Variants in CDH4 observed in about 807,000 individuals in gnomAD.
CDH4 encodes the protein cadherin-4.
CDH4 carries 33 observed loss-of-function variants against 86.0 expected under a neutral mutation model. The observed-to-expected ratio is 0.38, with a 90% CI of 0.29 to 0.51. The LOEUF (loss-of-function observed/expected upper bound fraction) is 0.51, where lower values mean the gene tolerates loss of function less well. CDH4 is among the 20% of genes least tolerant of loss of function. The pLI is 0.86. For synonymous variants in CDH4, 555 were observed against 549.4 expected, an observed-to-expected ratio of 1.01 and a Z score of -0.14; for missense variants, 1,114 against 1,307.4, an observed-to-expected ratio of 0.85 and a Z score of 2.28.
intron 2 of CDH4, among the ~76,000 whole-genome samples, chr20:61,633,717 C>G (rs780843670): frequency 5.9e-5 from 9 of 152,194 alleles, no homozygotes; most frequent in Non-Finnish European, 1.3e-4. Context: ...GACAGGAGCA[C>G]CTGCCTCTTG....
intron 2 of CDH4, among the ~76,000 whole-genome samples, chr20:61,651,387 G>A (rs756475117): frequency 2.0e-5 from 3 of 152,226 alleles, no homozygotes; most frequent in African/African-American, 2.4e-5. Flanking sequence ...TCCCAGCCCC[G>A]AGTCAAGCGT....
intron 2 of CDH4, among the ~76,000 whole-genome samples, chr20:61,355,825 T>C (rs1199958441): frequency 6.6e-6 from 1 of 152,198 alleles, no homozygotes; most frequent in African/African-American, 2.4e-5. Flanking sequence ...TCAGAAGGCC[T>C]GAGAAGCCTT....
At chr20:61,814,386 G>A (rs1328798568) in intron 4 of CDH4, among the ~76,000 whole-genome samples, 1 of 152,182 alleles carries the variant, frequency 6.6e-6, no homozygotes, top group East Asian at 1.9e-4. Flanking sequence ...CCTCACTGTG[G>A]GCCGAGGCTG....
At chr20:61,472,131 G>GTC (rs886450014) in intron 2 of CDH4, among the ~76,000 whole-genome samples, 11 of 151,888 alleles carry the variant, frequency 7.2e-5, no homozygotes, top group Non-Finnish European at 1.0e-4. Flanking sequence ...TTGTATTGAG[G>GTC]TCTCTCTCTC....
At chr20:61,661,618 C>G (rs1378080156) in intron 2 of CDH4, among the ~76,000 whole-genome samples, 2 of 152,022 alleles carry the variant, frequency 1.3e-5, no homozygotes, top group African/African-American at 4.8e-5. Context: ...CCCAATTAAC[C>G]CAGGATTAAA....
At chr20:61,878,660 G>A (rs1018331729) in intron 7 of CDH4, among the ~76,000 whole-genome samples, 2 of 152,240 alleles carry the variant, frequency 1.3e-5, no homozygotes, top group Non-Finnish European at 2.9e-5. Context: ...AGTCTCTGCA[G>A]CAGTTTATGG....
chr20:61,367,553 G>A (rs1293673974), intron 2 of CDH4, among the ~76,000 whole-genome samples: 2 of 151,790 alleles, frequency 1.3e-5, no homozygotes, highest in Non-Finnish European at 2.9e-5. Context: ...AGCTTGAAGG[G>A]GCTTCCACTG....
chr20:61,576,532 T>C (rs538296894), intron 2 of CDH4, among the ~76,000 whole-genome samples: 59 of 152,254 alleles, frequency 3.9e-4, no homozygotes, highest in African/African-American at 1.3e-3. Context: ...CAAAAATATG[T>C]CTGTACCACT....
chr20:61,789,643 C>T (rs1474556628), intron 4 of CDH4, among the ~76,000 whole-genome samples: 1 of 152,222 alleles, frequency 6.6e-6, no homozygotes, highest in Non-Finnish European at 1.5e-5. Context: ...TTCCTCATGT[C>T]GCTGCGTGCA....
At chr20:61,932,635 A>G (rs2055125906) in intron 13 of CDH4, among the ~76,000 whole-genome samples, 1 of 152,138 alleles carries the variant, frequency 6.6e-6, no homozygotes, top group South Asian at 2.1e-4. Flanking sequence ...CTTCATACAC[A>G]CGTCCTCCTG....
intron 2 of CDH4, among the ~76,000 whole-genome samples, chr20:61,451,124 C>CG (rs1568849724): frequency 1.1e-5 from 1 of 90,512 alleles, no homozygotes; most frequent in African/African-American, 5.9e-5. Flanking sequence ...CCTCTCACGC[C>CG]CCCCCCCTTC....
chr20:61,788,152 C>T (rs1415899147), intron 4 of CDH4, among the ~76,000 whole-genome samples: 1 of 152,178 alleles, frequency 6.6e-6, no homozygotes, highest in African/African-American at 2.4e-5. Context: ...TTTTAATGTC[C>T]CGCCCAGTAA....
At chr20:61,862,068 G>C (rs1290254718) in intron 6 of CDH4, among the ~76,000 whole-genome samples, 1 of 152,204 alleles carries the variant, frequency 6.6e-6, no homozygotes, top group Non-Finnish European at 1.5e-5. Context: ...TCAGCCCAGG[G>C]CGCTGTCCCC....
intron 2 of CDH4, among the ~76,000 whole-genome samples, chr20:61,339,488 T>C (rs1001090924): frequency 2.0e-5 from 3 of 152,236 alleles, no homozygotes; most frequent in African/African-American, 7.2e-5. Flanking sequence ...TTTGGGACAT[T>C]CCTGTGTGTT....
chr20:61,607,126 C>G (rs2086651929), intron 2 of CDH4, among the ~76,000 whole-genome samples: 1 of 152,208 alleles, frequency 6.6e-6, no homozygotes, highest in Non-Finnish European at 1.5e-5. Flanking sequence ...GACCTGAAAC[C>G]CAGGCACCAA....
Position 61,810,853 on chromosome 20 carries a change from G to A in CDH4, c.577-33815G>A, listed in dbSNP as rs1277356956. ...CTGCTCAACAGAGCCACTGCCCCTTGGCCCGGCTTCTCCAGAACGCAGCCA... is the reference window on the plus strand; with the variant it reads ...CTGCTCAACAGAGCCACTGCCCCTTAGCCCGGCTTCTCCAGAACGCAGCCA... On this transcript the variant is annotated intron_variant, in intron 4 of 15. Transcript: ENST00000614565. This position sits in a 1 kb window ranked among gnomAD's most constrained non-coding sequence, Gnocchi z 4.3. 6.6e-6 allele frequency among the ~76,000 whole-genome samples: 1 copy of A among 152,174 alleles called. No individual in the cohort carries two copies. Among genetic ancestry groups the A allele is most frequent in the Admixed American group, 6.5e-5 (1 of 15,280 alleles).
intron 2 of CDH4, among the ~76,000 whole-genome samples, chr20:61,514,891 C>T (rs1568872574): frequency 1.3e-5 from 2 of 152,182 alleles, no homozygotes; most frequent in Non-Finnish European, 2.9e-5. Context: ...TGGGCGGCAG[C>T]CATGGGGTGG....
intron 2 of CDH4, among the ~76,000 whole-genome samples, chr20:61,407,280 G>A (rs1422302356): frequency 6.6e-6 from 1 of 152,138 alleles, no homozygotes; most frequent in Non-Finnish European, 1.5e-5. Flanking sequence ...TGTTGACATC[G>A]ACTGAAATGT....
Position 61,923,639 on chromosome 20 carries a change from C to T in CDH4, c.1563C>T (p.Pro521=), listed in dbSNP as rs752355399. Reference sequence around the variant, plus strand: ...TGATCCGCCTGGAGGAGGGCGTGCCCCCCGGCACCGTGCTGACCACGTTTT... The same window carrying T: ...TGATCCGCCTGGAGGAGGGCGTGCCTCCCGGCACCGTGCTGACCACGTTTT... ...HKLIRLEEGV[P]PGTVLTTFSA... is the part of the protein sequence containing the mutation. Residue 521 remains proline (P), a synonymous_variant, in exon 10 of 16, where the codon CCC becomes CCT. Transcript: ENST00000614565. The T allele has an allele frequency of 8.7e-6, 14 of 1,613,982 alleles. No individual in the cohort carries two copies. The East Asian group carries it at 1.8e-4, about 21-fold the overall frequency.
Sources: gnomAD v4.1 joint callset for allele counts (sites outside exome capture counted in the v4.1 genomes callset) on GRCh38, gnomAD v4.1.1 for gene constraint, Gnocchi (gnomAD v3.1) non-coding constraint, MANE v1.5 for transcripts, NCBI Gene and HGNC (gene_info 2026-07-23, HGNC 2026-07-21) for gene names.